The following FAT3 variants were observed in gnomAD, a reference collection of about 807,000 sequenced individuals.
FAT3 encodes FAT atypical cadherin 3, also known as protocadherin Fat 3.
Under a neutral mutation model 310.2 loss-of-function variants are expected in FAT3, and 95 were observed. The ratio of observed to expected loss-of-function variants is 0.31; its 90% CI spans 0.26 to 0.36. The LOEUF is 0.36. Among genes scored for constraint, FAT3 ranks in the 10% least tolerant of loss-of-function variants. The probability of loss-of-function intolerance (pLI) is 1.00; values close to 1 mark genes in which losing one functional copy is unlikely to be tolerated. For missense variants in FAT3, 5,408 were observed against 5,715.6 expected, an observed-to-expected ratio of 0.95 and a Z score of 1.74; for synonymous variants, 2,314 against 2,192.9, an observed-to-expected ratio of 1.06 and a Z score of -1.54.
At chr11:92,633,483 T>C (rs1017983175) in intron 3 of FAT3, among the ~76,000 whole-genome samples, 1 of 152,068 alleles carries the variant, frequency 6.6e-6, no homozygotes, top group Non-Finnish European at 1.5e-5. Flanking sequence ...TAAGTGGGGG[T>C]CAGCATAATC....
At chr11:92,744,995 G>A (rs762869334) in intron 4 of FAT3, among the ~76,000 whole-genome samples, 19 of 152,294 alleles carry the variant, frequency 1.2e-4, no homozygotes, top group Non-Finnish European at 1.0e-4. Context: ...AATTAGAGCC[G>A]TGTCCTTATT....
intron 1 of FAT3, among the ~76,000 whole-genome samples, chr11:92,322,643 C>T (rs1947653341): frequency 6.6e-6 from 1 of 152,198 alleles, no homozygotes; most frequent in Admixed American, 6.5e-5. Context: ...GTCATTTGTT[C>T]TCATTTCAAC....
At chr11:92,805,051 T>C in intron 10 of FAT3, 102 bp from the exon 11 acceptor site, 1 of 1,160,392 alleles carries the variant, frequency 8.6e-7, no homozygotes, top group Non-Finnish European at 1.2e-6. Context: ...TGATACAGTT[T>C]AAGGAGTACC....
At chr11:92,650,421 T>C (rs775082793) in intron 3 of FAT3, among the ~76,000 whole-genome samples, 5 of 152,224 alleles carry the variant, frequency 3.3e-5, no homozygotes, top group Non-Finnish European at 5.9e-5. Context: ...ACTGTCCTTC[T>C]TATTTCAACA....
chr11:92,637,649 G>A (rs758180929), intron 3 of FAT3, among the ~76,000 whole-genome samples: 2 of 152,164 alleles, frequency 1.3e-5, no homozygotes, highest in Admixed American at 6.5e-5. Context: ...AGGAACATAC[G>A]TTAAGAACTA....
intron 2 of FAT3, among the ~76,000 whole-genome samples, chr11:92,483,574 A>C (rs1952294496): frequency 6.6e-6 from 1 of 151,794 alleles, no homozygotes; most frequent in Non-Finnish European, 1.5e-5. Context: ...TATGTATCCT[A>C]TCTCATTTAT....
chr11:92,543,117 T>G (rs972186652), intron 3 of FAT3, among the ~76,000 whole-genome samples: 4 of 152,062 alleles, frequency 2.6e-5, no homozygotes, highest in Admixed American at 6.6e-5. Context: ...ATGGTGAATC[T>G]AAAAAAGTTG....
At position 92,732,229 on chromosome 11, in the gene FAT3, A is replaced by G. The variant is rs537483556; in HGVS notation, c.3670-29627A>G. On this transcript the variant is annotated intron_variant, in intron 4 of 27. Coordinates refer to ENST00000525166, the MANE Select transcript of FAT3 (RefSeq NM_001367949.2). ...AAAGACAATGTACAATTTAATTATAATACAGAGAGTGACTGAATGCTATTA... is the reference window on the plus strand; with the variant it reads ...AAAGACAATGTACAATTTAATTATAGTACAGAGAGTGACTGAATGCTATTA... Among the ~76,000 whole-genome samples the G allele has an allele frequency of 2.1e-4, 32 of 152,360 alleles. No individual in the cohort carries two copies. The East Asian group carries it at 5.4e-3, about 26-fold the overall frequency.
intron 3 of FAT3, among the ~76,000 whole-genome samples, chr11:92,647,093 T>C (rs1007496200): frequency 2.6e-5 from 4 of 152,154 alleles, no homozygotes; most frequent in African/African-American, 9.7e-5. Flanking sequence ...GAATCAATAA[T>C]GTTGAGCCTT....
At chr11:92,890,388 T>C in intron 27 of FAT3, 103 bp from the exon 28 acceptor site, 2 of 1,369,758 alleles carry the variant, frequency 1.5e-6, no homozygotes, top group East Asian at 2.4e-5. Context: ...TAGGGTTTCT[T>C]GGATGCTAAA....
chr11:92,710,243 C>T (rs17178), intron 4 of FAT3, among the ~76,000 whole-genome samples: 22,748 of 152,170 alleles, frequency 0.15, 1,822 homozygotes, highest in African/African-American at 0.19. Context: ...TGACTTTCCC[C>T]ATATTGAGAG....
intron 2 of FAT3, among the ~76,000 whole-genome samples, chr11:92,491,434 G>C (rs1313803840): frequency 6.6e-6 from 1 of 152,018 alleles, no homozygotes; most frequent in African/African-American, 2.4e-5. Flanking sequence ...GAGAAACCTT[G>C]TGGGAAGAAT....
At chr11:92,370,332 G>T (rs2134713257) in intron 2 of FAT3, among the ~76,000 whole-genome samples, 1 of 152,262 alleles carries the variant, frequency 6.6e-6, no homozygotes, top group African/African-American at 2.4e-5. Context: ...TTATTTTGAG[G>T]TTGGCTTTGA....
In FAT3 at chr11:92,486,130, G is replaced by GTTTTTTTTTTTTTTT. The variant is rs71064714; in HGVS notation, c.3293-38490_3293-38476dup. On this transcript the variant is annotated intron_variant, in intron 2 of 27. Transcript: ENST00000525166. ...GTGAAATAGAGGAGAGGCTGCTGGG[G>GTTTTTTTTTTTTTTT]TTTTTTTTTTTTTTTTTTTTTTTTT... Among the ~76,000 whole-genome samples, 24 of 37,134 alleles carry GTTTTTTTTTTTTTTT rather than the reference G, an allele frequency of 6.5e-4. 2 individuals carry two copies. The highest frequency in any genetic ancestry group is 2.1e-3 in the Admixed American group (3 of 1,436). 24.4% of individuals were successfully genotyped at this position (37,134 alleles called of 152,430 possible).
intron 15 of FAT3, among the ~76,000 whole-genome samples, chr11:92,835,765 C>A (rs552505123): frequency 6.6e-6 from 1 of 152,276 alleles, no homozygotes; most frequent in South Asian, 2.1e-4. Flanking sequence ...TGGGCAGCTA[C>A]AATTTGGAGC....
chr11:92,566,138 C>CA (rs1955432129), intron 3 of FAT3, among the ~76,000 whole-genome samples: 1 of 152,158 alleles, frequency 6.6e-6, no homozygotes, highest in Non-Finnish European at 1.5e-5. Context: ...TAGAAAACCC[C>CA]ATTGTCTCAG....
At chr11:92,262,134 T>C (rs1306547763) in intron 1 of FAT3, among the ~76,000 whole-genome samples, 1 of 152,076 alleles carries the variant, frequency 6.6e-6, no homozygotes, top group Non-Finnish European at 1.5e-5. Flanking sequence ...AAAGATGGAA[T>C]AGTGGTAAGA....
chr11:92,394,218 C>T (rs755470039), intron 2 of FAT3, among the ~76,000 whole-genome samples: 2 of 152,190 alleles, frequency 1.3e-5, no homozygotes, highest in African/African-American at 4.8e-5. Context: ...CCTGTAATCT[C>T]AGTACTTTGG....
intron 4 of FAT3, among the ~76,000 whole-genome samples, chr11:92,712,148 G>C (rs1189085545): frequency 6.6e-6 from 1 of 152,142 alleles, no homozygotes; most frequent in African/African-American, 2.4e-5. Flanking sequence ...GCTGAGGCTT[G>C]ACATGTCTCT....
Sources: allele counts gnomAD v4.1 joint callset (sites outside exome capture counted in the v4.1 genomes callset), GRCh38; gene constraint gnomAD v4.1.1; transcripts MANE v1.5; gene names NCBI Gene and HGNC (gene_info 2026-07-23, HGNC 2026-07-21).